Variants in NEIL2 observed in about 807,000 individuals in gnomAD.
The protein encoded by NEIL2 is endonuclease 8-like 2.
In NEIL2, 23 loss-of-function variants were observed where a neutral mutation model predicts 22.2. That is an observed-to-expected ratio of 1.04 (90% CI 0.75 to 1.47). The LOEUF is 1.47. Among genes scored for constraint, NEIL2 ranks in the 40% most tolerant of loss-of-function variants. NEIL2 has a pLI of 0.00. For synonymous variants in NEIL2, 229 were observed against 164.8 expected, an observed-to-expected ratio of 1.39 and a Z score of -2.99; for missense variants, 583 against 404.7, an observed-to-expected ratio of 1.44 and a Z score of -3.78.
chr8:11,777,529 T>A (rs1205005918), intron 2 of NEIL2, among the ~76,000 whole-genome samples: 1 of 152,150 alleles, frequency 6.6e-6, no homozygotes, highest in Non-Finnish European at 1.5e-5. Flanking sequence ...GAACGCTAAC[T>A]CCCCCTTTCC....
chr8:11,772,646 AG>A (rs8191545), intron 2 of NEIL2, among the ~76,000 whole-genome samples: 79 of 152,318 alleles, frequency 5.2e-4, no homozygotes, highest in African/African-American at 1.9e-3. Flanking sequence ...TGCAGAGGGC[AG>A]GGGCTGCTCC....
At position 11,776,529 on chromosome 8, in the gene NEIL2, C is replaced by T. The variant is rs552049107; in HGVS notation, c.139-3069C>T. Among the ~76,000 whole-genome samples the T allele has an allele frequency of 7.2e-5, 11 of 152,240 alleles. No individual in the cohort carries two copies. The South Asian group carries it at 1.9e-3, about 26-fold the overall frequency. On this transcript the variant is annotated intron_variant, in intron 2 of 4. Coordinates refer to ENST00000284503, the MANE Select transcript of NEIL2 (RefSeq NM_145043.4). The stretch of plus-strand genomic sequence containing the variant: ...ATTCATATGCAAGTATTGGTGTAGA[C>T]GTATGTTTCCATTTCTCTTGAGAGT...
chr8:11,774,083 T>A (rs1251742963), intron 2 of NEIL2, among the ~76,000 whole-genome samples: 5 of 152,170 alleles, frequency 3.3e-5, no homozygotes, highest in African/African-American at 1.2e-4. Context: ...TTACCATTTA[T>A]AAAACCGTCA....
Position 11,786,203 on chromosome 8 carries a change from G to C in NEIL2, c.929G>C (p.Arg310Thr). 1 of 1,613,560 alleles carries C rather than the reference G, an allele frequency of 6.2e-7. No homozygotes were observed. The highest frequency in any genetic ancestry group is 8.5e-7 in the Non-Finnish European group (1 of 1,180,024). ...TTTGGGCCCGAAGATGGGTTACAGAGGCTCACCTGGTGGTGCCCGCAGTGC... is the reference window on the plus strand; with the variant it reads ...TTTGGGCCCGAAGATGGGTTACAGACGCTCACCTGGTGGTGCCCGCAGTGC... ...EAFGPEDGLQRLTWWCPQCQP... is the reference protein window; with the variant it reads ...EAFGPEDGLQTLTWWCPQCQP... The change falls in exon 5 of 5, where the codon AGG (arginine) becomes ACG (threonine). Residue 310 changes from arginine to threonine, a missense_variant. Arg to Thr is a moderately conservative substitution (Grantham distance 71). Coordinates refer to ENST00000284503, the MANE Select transcript of NEIL2 (RefSeq NM_145043.4).
At chr8:11,778,685 C>A (rs890815144) in intron 2 of NEIL2, among the ~76,000 whole-genome samples, 1 of 151,918 alleles carries the variant, frequency 6.6e-6, no homozygotes, top group Non-Finnish European at 1.5e-5. Flanking sequence ...GGCATGGTGG[C>A]TCATGCCTGG....
chr8:11,782,963 TTGTGGTAATGA>T (rs1358929080), intron 3 of NEIL2: 1 of 540,152 alleles, frequency 1.9e-6, no homozygotes, highest in East Asian at 3.5e-5. Flanking sequence ...TCTGACTATG[TTGTGGTAATGA>T]TGTGGGGATG....
In NEIL2 at chr8:11,783,414, A is replaced by T. The variant is rs753737569; in HGVS notation, c.688+15A>T. 53 of 1,609,440 alleles carry T rather than the reference A, an allele frequency of 3.3e-5. 1 individual carries two copies. In the South Asian group the frequency reaches 5.8e-4, roughly 18 times the overall value. The stretch of plus-strand genomic sequence containing the variant: ...CTCAGGGCTAGGTATGACTCATGGG[A>T]AAGGGGTGAGTCCACAGAGTTGCTT... On this transcript the variant is annotated intron_variant, in intron 4 of 4. Coordinates refer to ENST00000284503, the MANE Select transcript of NEIL2 (RefSeq NM_145043.4).
chr8:11,785,997 T>C lies in NEIL2; in HGVS notation c.723T>C (p.Ala241=). The change falls in exon 5 of 5, where the codon GCT becomes GCC. Residue 241 remains alanine, a synonymous_variant. Coordinates refer to ENST00000284503, the MANE Select transcript of NEIL2 (RefSeq NM_145043.4). ...TTAAGAATGAAGCCTTGTACAGAGC[T>C]GGGATCCATCCCCTTTCTCTCGGTT... The part of the protein sequence containing the change: ...NIIKNEALYR[A]GIHPLSLGSV... 3.1e-6 allele frequency: 5 copies of C among 1,614,170 alleles called. No individual in the cohort carries two copies. Among genetic ancestry groups the C allele is most frequent in the Non-Finnish European group, 4.2e-6 (5 of 1,180,030 alleles).
Position 11,786,679 on chromosome 8 carries a change from T to A in NEIL2, c.*406T>A, listed in dbSNP as rs1782516276. The stretch of plus-strand genomic sequence containing the variant: ...TTTTGAGAGAGAGTCTTGCTCTGTC[T>A]CCCTGGCTAGGGTGTGGTGGTGTGA... On this transcript the variant is annotated 3_prime_UTR_variant, in exon 5 of 5. Transcript: ENST00000284503. 3.8e-6 allele frequency: 1 copy of A among 264,650 alleles called. No individual in the cohort carries two copies. 16.4% of individuals were successfully genotyped at this position (264,650 alleles called of 1,614,324 possible). A position where few individuals can be genotyped will look rare whatever the true frequency, so the allele number is the denominator to read the frequency against.
Position 11,785,972 on chromosome 8 carries a change from T to G in NEIL2, c.698T>G (p.Ile233Ser), listed in dbSNP as rs780669898. 3 of 1,614,058 alleles carry G rather than the reference T, an allele frequency of 1.9e-6. No individual in the cohort carries two copies. In the South Asian group the frequency reaches 3.3e-5, roughly 18 times the overall value. Residue 233 changes from isoleucine to serine, a missense_variant, in exon 5 of 5, where the codon ATT (isoleucine) becomes AGT (serine). Physicochemically the swap from Ile to Ser is moderately radical, Grantham distance 142. Transcript: ENST00000284503. ...QRYFSGLGNI[I>S]KNEALYRAGI... ...CCCCGCTTTATTTCAGGGAACATCA[T>G]TAAGAATGAAGCCTTGTACAGAGCT...
chr8:11,777,091 G>A (rs1803969315), intron 2 of NEIL2, among the ~76,000 whole-genome samples: 1 of 151,988 alleles, frequency 6.6e-6, no homozygotes, highest in Non-Finnish European at 1.5e-5. Context: ...CCCAGGTAAC[G>A]GCCAGCTTCC....
chr8:11,773,051 G>T (rs1370424073), intron 2 of NEIL2, among the ~76,000 whole-genome samples: 1 of 152,172 alleles, frequency 6.6e-6, no homozygotes, highest in Non-Finnish European at 1.5e-5. Context: ...CTTAGCCCAA[G>T]CTCAGGTGGC....
rs529371091 is a variant in NEIL2 at position 11,776,892 on chromosome 8, G to T, written c.139-2706G>T. 8.5e-5 allele frequency among the ~76,000 whole-genome samples: 13 copies of T among 152,276 alleles called. No individual in the cohort carries two copies. In the South Asian group the frequency reaches 1.5e-3, roughly 17 times the overall value. On this transcript the variant is annotated intron_variant, in intron 2 of 4. Coordinates refer to ENST00000284503, the MANE Select transcript of NEIL2 (RefSeq NM_145043.4). ...CCTGTCTGCTCCTCCTCTTGGTCCT[G>T]AGAGTTGAGAGCTCTTTGGTTCCTA...
intron 1 of NEIL2, among the ~76,000 whole-genome samples, chr8:11,770,694 C>G (rs926811182): frequency 6.6e-6 from 1 of 152,196 alleles, no homozygotes; most frequent in Non-Finnish European, 1.5e-5. Flanking sequence ...GGAGTCTCCT[C>G]TGCCCGAACA....
Position 11,779,616 on chromosome 8 carries a change from T to C in NEIL2, c.157T>C (p.Phe53Leu). Reference protein sequence around the residue: ...QDTQVHGKKLFLRFDLDEEMG... With the variant: ...QDTQVHGKKLLLRFDLDEEMG... ...TTTCTAGGTCCATGGAAAGAAATTATTCCTTAGATTTGATCTAGATGAAGA... is the reference window on the plus strand; with the variant it reads ...TTTCTAGGTCCATGGAAAGAAATTACTCCTTAGATTTGATCTAGATGAAGA... Residue 53 changes from phenylalanine (F) to leucine (L), a missense_variant, in exon 3 of 5, where the codon TTC becomes CTC. Physicochemically the swap from Phe to Leu is conservative, Grantham distance 22. Coordinates refer to ENST00000284503, the MANE Select transcript of NEIL2 (RefSeq NM_145043.4). The C allele has an allele frequency of 6.2e-7, 1 of 1,612,854 alleles. No individual in the cohort carries two copies. The highest frequency in any genetic ancestry group is 1.1e-5 in the South Asian group (1 of 91,066).
Position 11,771,459 on chromosome 8 carries a change from G to T in NEIL2, c.12G>T (p.Gly4=). MPE[G]PLVRKFHHLV... ...TTCTGCCCACAGGGATGCCAGAAGG[G>T]CCGTTGGTGAGGAAATTTCACCATT... Residue 4 remains glycine, a synonymous_variant, in exon 2 of 5, where the codon GGG becomes GGT. Coordinates refer to ENST00000284503, the MANE Select transcript of NEIL2 (RefSeq NM_145043.4). The T allele has an allele frequency of 6.2e-7, 1 of 1,613,904 alleles. No individual in the cohort carries two copies.
chr8:11,780,745 A>G (rs557207268), intron 3 of NEIL2, among the ~76,000 whole-genome samples: 1 of 152,354 alleles, frequency 6.6e-6, no homozygotes, highest in Admixed American at 6.5e-5. Flanking sequence ...ATCTAGGTTT[A>G]GGATATGTCC....
chr8:11,785,554 C>T (rs1023299627), intron 4 of NEIL2, among the ~76,000 whole-genome samples: 5 of 152,182 alleles, frequency 3.3e-5, no homozygotes, highest in African/African-American at 1.2e-4. Flanking sequence ...CTGTGCTCAG[C>T]GTCTTTTGGT....
chr8:11,786,003 C>T lies in NEIL2; in HGVS notation c.729C>T (p.Ile243=), dbSNP rs1364146887. 5.6e-6 allele frequency: 9 copies of T among 1,614,038 alleles called. No individual in the cohort carries two copies. Among genetic ancestry groups the T allele is most frequent in the Non-Finnish European group, 7.6e-6 (9 of 1,180,028 alleles). The stretch of plus-strand genomic sequence containing the variant: ...ATGAAGCCTTGTACAGAGCTGGGAT[C>T]CATCCCCTTTCTCTCGGTTCAGTCC... ...IKNEALYRAG[I]HPLSLGSVLS... is the part of the protein sequence containing the mutation. The change falls in exon 5 of 5, where the codon ATC becomes ATT. Residue 243 remains isoleucine (I), a synonymous_variant. Transcript: ENST00000284503.
Sources: allele counts gnomAD v4.1 joint callset (sites outside exome capture counted in the v4.1 genomes callset), GRCh38; gene constraint gnomAD v4.1.1; transcripts MANE v1.5; gene names NCBI Gene and HGNC (gene_info 2026-07-23, HGNC 2026-07-21).